The following KLRG1 variants were observed in gnomAD, a reference collection of about 807,000 sequenced individuals.
KLRG1 encodes killer cell lectin-like receptor subfamily G member 1.
KLRG1 carries 16 observed loss-of-function variants against 21.8 expected under a neutral mutation model. The observed-to-expected ratio is 0.73, with a 90% CI of 0.50 to 1.11. The LOEUF (loss-of-function observed/expected upper bound fraction) is 1.11. KLRG1 is among the 50% of genes most tolerant of loss of function. KLRG1 has a pLI of 0.00. For synonymous variants in KLRG1, 69 were observed against 75.9 expected, an observed-to-expected ratio of 0.91 and a Z score of 0.47; for missense variants, 173 against 218.3, an observed-to-expected ratio of 0.79 and a Z score of 1.31.
chr12:9,150,589 A>C, the KLRG1 span: 2 of 1,183,176 alleles, frequency 1.7e-6, no homozygotes, highest in Non-Finnish European at 2.5e-6. Context: ...CAACTGTCAC[A>C]ACAGGATCCA....
chr12:9,200,804 CATATCTACAGGAA>C, the KLRG1 span: 11 of 1,380,018 alleles, frequency 8.0e-6, no homozygotes, highest in South Asian at 1.6e-4. Context: ...GCAAGTTCAA[CATATCTACAGGAA>C]ATTCAAAGGA....
chr12:9,063,705 G>GC, the KLRG1 span, among the ~76,000 whole-genome samples: 1 of 152,158 alleles, frequency 6.6e-6, no homozygotes, highest in East Asian at 1.9e-4. Flanking sequence ...CTGGGGCAAT[G>GC]AATAGCTTGA....
At chr12:9,108,165 G>A in the KLRG1 span, among the ~76,000 whole-genome samples, 77 of 151,684 alleles carry the variant, frequency 5.1e-4, no homozygotes, top group African/African-American at 1.7e-3. Context: ...TCGCTCTGTC[G>A]CCCAGGCTGG....
chr12:9,194,580 T>G, the KLRG1 span, among the ~76,000 whole-genome samples: 3 of 149,740 alleles, frequency 2.0e-5, no homozygotes, highest in East Asian at 6.1e-4. Context: ...TTCTCCTGCC[T>G]CAGCCTCCCG....
chr12:9,155,415 G>C, the KLRG1 span, among the ~76,000 whole-genome samples: 1 of 152,064 alleles, frequency 6.6e-6, no homozygotes, highest in African/African-American at 2.4e-5. Flanking sequence ...TGTTGGCACT[G>C]CTATAAGCAT....
the KLRG1 span, among the ~76,000 whole-genome samples, chr12:9,060,554 C>A: frequency 6.6e-6 from 1 of 152,098 alleles, no homozygotes; most frequent in South Asian, 2.1e-4. Flanking sequence ...ATTGCTTGAA[C>A]CTGGGAGCAG....
chr12:9,136,384 A>G, the KLRG1 span, among the ~76,000 whole-genome samples: 14 of 152,296 alleles, frequency 9.2e-5, no homozygotes, highest in South Asian at 2.9e-3. Flanking sequence ...ATGAATGGGT[A>G]TACATTTGTA....
At chr12:9,193,475 T>C in the KLRG1 span, among the ~76,000 whole-genome samples, 2 of 151,860 alleles carry the variant, frequency 1.3e-5, no homozygotes, top group Admixed American at 1.3e-4. Context: ...GTAGGGACAC[T>C]ATTTAGTCAC....
chr12:9,075,635 A>G, the KLRG1 span, among the ~76,000 whole-genome samples: 1 of 152,244 alleles, frequency 6.6e-6, no homozygotes, highest in Non-Finnish European at 1.5e-5. Context: ...GAAATATTCA[A>G]AAATGTTTCT....
chr12:9,130,493 C>T, the KLRG1 span, among the ~76,000 whole-genome samples: 1 of 152,070 alleles, frequency 6.6e-6, no homozygotes, highest in African/African-American at 2.4e-5. Context: ...CAGCCATCCT[C>T]ACAGATGTGA....
the KLRG1 span, among the ~76,000 whole-genome samples, chr12:9,187,513 C>T: frequency 6.6e-6 from 1 of 152,096 alleles, no homozygotes; most frequent in South Asian, 2.1e-4. Context: ...AAATAGAATT[C>T]AATAAGAAGA....
the KLRG1 span, among the ~76,000 whole-genome samples, chr12:9,096,153 G>T: frequency 6.6e-6 from 1 of 151,974 alleles, no homozygotes; most frequent in East Asian, 1.9e-4. Context: ...ATTTATAGAG[G>T]GTATGGATCA....
the KLRG1 span, among the ~76,000 whole-genome samples, chr12:9,100,568 C>T: frequency 1.3e-5 from 2 of 152,056 alleles, no homozygotes; most frequent in East Asian, 1.9e-4. Flanking sequence ...CGTAAGCCAT[C>T]ATAGCTGGCC....
the KLRG1 span, chr12:9,079,530 T>C: frequency 8.8e-7 from 1 of 1,142,202 alleles, no homozygotes; most frequent in Non-Finnish European, 1.3e-6. Flanking sequence ...ATAGCAGCTA[T>C]CATAGTGAGC....
At chr12:9,141,608 T>C in the KLRG1 span, among the ~76,000 whole-genome samples, 1 of 152,246 alleles carries the variant, frequency 6.6e-6, no homozygotes, top group Non-Finnish European at 1.5e-5. Context: ...AAAACTTGCT[T>C]AAACCTTCAT....
At chr12:9,079,166 G>A in the KLRG1 span, 4 of 1,082,400 alleles carry the variant, frequency 3.7e-6, no homozygotes, top group South Asian at 5.5e-5. Context: ...TGATAGTGTT[G>A]CTGTGAATAT....
chr12:8,969,445 T>C (rs1946532719), intron 1 of KLRG1, among the ~76,000 whole-genome samples: 1 of 152,066 alleles, frequency 6.6e-6, no homozygotes, highest in Non-Finnish European at 1.5e-5. Context: ...GCATTCCAGC[T>C]CTGAGGTTGC....
chr12:9,151,687 A>T, the KLRG1 span: 15 of 1,609,556 alleles, frequency 9.3e-6, no homozygotes, highest in Non-Finnish European at 8.5e-6. Flanking sequence ...AGAGAATTAG[A>T]AAACTTCAGT....
At chr12:9,180,745 G>A in the KLRG1 span, among the ~76,000 whole-genome samples, 303 of 152,340 alleles carry the variant, frequency 2.0e-3, 1 homozygote, top group African/African-American at 6.7e-3. Context: ...CATGGGTAAG[G>A]ACTTCATGTC....
Sources: gnomAD v4.1 joint callset for allele counts (sites outside exome capture counted in the v4.1 genomes callset) on GRCh38, gnomAD v4.1.1 for gene constraint, MANE v1.5 for transcripts, NCBI Gene and HGNC (gene_info 2026-07-23, HGNC 2026-07-21) for gene names.